Variants in MAF observed in about 807,000 individuals in gnomAD.
The protein encoded by MAF is MAF bZIP transcription factor, also known as transcription factor Maf.
MAF carries 10 observed loss-of-function variants against 22.0 expected under a neutral mutation model. The ratio of observed to expected loss-of-function variants is 0.45; its 90% CI spans 0.28 to 0.77. The LOEUF (loss-of-function observed/expected upper bound fraction) is 0.77. Among genes scored for constraint, MAF ranks in the 30% least tolerant of loss-of-function variants. MAF has a pLI of 0.12. For synonymous variants in MAF, 337 were observed against 255.8 expected (o/e 1.32, Z -3.03); for missense variants, 544 against 548.4 (o/e 0.99, Z 0.08).
the MAF span, among the ~76,000 whole-genome samples, chr16:79,305,897 C>A: frequency 6.6e-6 from 1 of 152,170 alleles, no homozygotes; most frequent in African/African-American, 2.4e-5. Context: ...CTATTTGGGA[C>A]CACAGCATGC....
At chr16:79,506,507 G>A in the MAF span, among the ~76,000 whole-genome samples, 1 of 152,194 alleles carries the variant, frequency 6.6e-6, no homozygotes, top group Non-Finnish European at 1.5e-5. Flanking sequence ...ATGGGAACTG[G>A]AATCATGCAT....
chr16:79,355,719 T>G, the MAF span, among the ~76,000 whole-genome samples: 1 of 152,170 alleles, frequency 6.6e-6, no homozygotes, highest in African/African-American at 2.4e-5. Flanking sequence ...AATTCCCCTG[T>G]GGCAATCCGT....
chr16:79,348,322 C>T, the MAF span, among the ~76,000 whole-genome samples: 1 of 152,224 alleles, frequency 6.6e-6, no homozygotes, highest in African/African-American at 2.4e-5. Context: ...CAGATTTACT[C>T]AGCAGGGATA....
the MAF span, among the ~76,000 whole-genome samples, chr16:79,366,895 T>C: frequency 6.6e-6 from 1 of 152,232 alleles, no homozygotes; most frequent in Non-Finnish European, 1.5e-5. Flanking sequence ...CAAGAGCTAA[T>C]GAAATCATGT....
chr16:79,473,013 G>T, the MAF span, among the ~76,000 whole-genome samples: 1 of 152,090 alleles, frequency 6.6e-6, no homozygotes, highest in Non-Finnish European at 1.5e-5. Flanking sequence ...GGGAAGGACT[G>T]ACGCTAAGCA....
chr16:79,444,962 G>A, the MAF span, among the ~76,000 whole-genome samples: 1 of 152,124 alleles, frequency 6.6e-6, no homozygotes, highest in Non-Finnish European at 1.5e-5. Context: ...TGTGAGAGTG[G>A]AGTTCAGTTT....
At chr16:79,331,198 T>A in the MAF span, among the ~76,000 whole-genome samples, 2 of 152,152 alleles carry the variant, frequency 1.3e-5, no homozygotes, top group Non-Finnish European at 2.9e-5. Flanking sequence ...ACATGGAAGA[T>A]GAAAAATGTG....
At chr16:79,423,374 G>A in the MAF span, among the ~76,000 whole-genome samples, 1 of 152,152 alleles carries the variant, frequency 6.6e-6, no homozygotes, top group Non-Finnish European at 1.5e-5. Context: ...TGTGGAAGAT[G>A]TGATGTGATG....
chr16:79,224,441 A>G, the MAF span, among the ~76,000 whole-genome samples: 1 of 152,342 alleles, frequency 6.6e-6, no homozygotes, highest in Admixed American at 6.5e-5. Flanking sequence ...GCCTTTTGAA[A>G]ACCTGCACAA....
chr16:79,218,518 A>C, the MAF span, among the ~76,000 whole-genome samples: 1 of 152,154 alleles, frequency 6.6e-6, no homozygotes, highest in African/African-American at 2.4e-5. Context: ...GAGAGCCACA[A>C]TGCTATCTGG....
chr16:79,219,408 A>G, the MAF span, among the ~76,000 whole-genome samples: 36 of 152,142 alleles, frequency 2.4e-4, no homozygotes, highest in African/African-American at 7.9e-4. Context: ...AAAATTAGCC[A>G]GGCAAGGTGG....
the MAF span, among the ~76,000 whole-genome samples, chr16:79,424,669 C>A: frequency 1.3e-5 from 2 of 152,278 alleles, no homozygotes; most frequent in Admixed American, 1.3e-4. Flanking sequence ...CAGCTGGATC[C>A]TACCAACCTC....
chr16:79,351,232 G>C, the MAF span, among the ~76,000 whole-genome samples: 1 of 152,152 alleles, frequency 6.6e-6, no homozygotes, highest in African/African-American at 2.4e-5. Context: ...TAAACAGTGG[G>C]GCTGCCTTTG....
the MAF span, chr16:79,205,353 C>G: frequency 6.6e-6 from 1 of 152,220 alleles, no homozygotes. Flanking sequence ...GGAGAGGCAA[C>G]TGAAAAGGAG....
At chr16:79,244,820 C>T in the MAF span, among the ~76,000 whole-genome samples, 1 of 152,028 alleles carries the variant, frequency 6.6e-6, no homozygotes, top group Non-Finnish European at 1.5e-5. Context: ...TCAAAGTATA[C>T]TACATGGCTA....
chr16:79,216,994 G>A, the MAF span, among the ~76,000 whole-genome samples: 2 of 152,118 alleles, frequency 1.3e-5, no homozygotes, highest in Non-Finnish European at 2.9e-5. Flanking sequence ...GTTTTTAGTA[G>A]AGATAGGGTT....
At chr16:79,320,198 G>A in the MAF span, among the ~76,000 whole-genome samples, 1 of 152,168 alleles carries the variant, frequency 6.6e-6, no homozygotes, top group Non-Finnish European at 1.5e-5. Context: ...CACTGAAAAG[G>A]TTTTGTGACA....
the MAF span, among the ~76,000 whole-genome samples, chr16:79,544,363 A>G: frequency 6.6e-6 from 1 of 152,202 alleles, no homozygotes; most frequent in African/African-American, 2.4e-5. Context: ...GATCTAGAAG[A>G]GTCCATCAGC....
chr16:79,589,003 A>G (rs1913029361), downstream of MAF, among the ~76,000 whole-genome samples: 1 of 152,196 alleles, frequency 6.6e-6, no homozygotes, highest in African/African-American at 2.4e-5. Context: ...CAGTGTAAAA[A>G]GCATCTCAGA....
Sources: gnomAD v4.1 joint callset for allele counts (sites outside exome capture counted in the v4.1 genomes callset) on GRCh38, gnomAD v4.1.1 for gene constraint, MANE v1.5 for transcripts, NCBI Gene and HGNC (gene_info 2026-07-23, HGNC 2026-07-21) for gene names.